Variants in HERC5 observed in about 807,000 individuals in gnomAD.
HERC5 encodes the protein HECT and RLD domain containing E3 ubiquitin protein ligase 5, also known as E3 ISG15--protein ligase HERC5.
A neutral mutation model predicts 119.6 loss-of-function variants in HERC5; 99 were observed. The ratio of observed to expected loss-of-function variants is 0.83; its 90% CI spans 0.70 to 0.98. The LOEUF (loss-of-function observed/expected upper bound fraction) is 0.98, where lower values mean the gene tolerates loss of function less well. HERC5 is among the 50% of genes least tolerant of loss of function. The pLI, the probability that HERC5 is intolerant of heterozygous loss-of-function variation, is 0.00. For missense variants in HERC5, 1,267 were observed against 1,241.3 expected, an observed-to-expected ratio of 1.02 and a Z score of -0.31; for synonymous variants, 478 against 445.9, an observed-to-expected ratio of 1.07 and a Z score of -0.91.
chr4:88,457,577 G>T, intron 1 of HERC5, 43 bp downstream of exon 1: 1 of 1,240,240 alleles, frequency 8.1e-7, no homozygotes, highest in Non-Finnish European at 1.0e-6. Flanking sequence ...GCTGTGAGGG[G>T]TGAGGGCTGA....
Position 88,462,143 on chromosome 4 carries a change from C to CT in HERC5, c.480dup (p.Ala161CysfsTer59). 7 of 1,613,532 alleles carry CT rather than the reference C, an allele frequency of 4.3e-6. No homozygotes were observed. The highest frequency in any genetic ancestry group is 5.9e-6 in the Non-Finnish European group (7 of 1,179,782). On this transcript the variant is annotated frameshift_variant, in exon 4 of 23. Coordinates refer to ENST00000264350, the MANE Select transcript of HERC5 (RefSeq NM_016323.4). LOFTEE classifies it high-confidence loss of function. The stretch of plus-strand genomic sequence containing the variant: ...GCTTTGTTTATGTCAAGGTGGTGAG[C>CT]TTTTTGCCTGGGGACAGAACCTGCA...
Position 88,459,385 on chromosome 4 carries a change from G to T in HERC5, c.304G>T (p.Val102Leu). Residue 102 changes from valine (V) to leucine (L), a missense_variant, in exon 2 of 23, where the codon GTG becomes TTG. Physicochemically the swap from Val to Leu is conservative, Grantham distance 32. This residue lies in a region of HERC5 where 777 missense variants were observed against 758.0 expected (regional missense o/e 1.03). Coordinates refer to ENST00000264350, the MANE Select transcript of HERC5 (RefSeq NM_016323.4). ...AGGAAAAAACATGAAGATACATTCC[G>T]TGGACCAAGGAGCAGAGCACATGCT... is the stretch of plus-strand genomic sequence containing the variant. ...KLGKNMKIHS[V>L]DQGAEHMLIL... is the part of the protein sequence containing the mutation. The T allele has an allele frequency of 6.3e-7, 1 of 1,595,182 alleles. No individual in the cohort carries two copies. Among genetic ancestry groups the T allele is most frequent in the East Asian group, 2.3e-5 (1 of 44,072 alleles).
chr4:88,479,955 T>C (rs1333591048), intron 13 of HERC5, among the ~76,000 whole-genome samples: 1 of 151,296 alleles, frequency 6.6e-6, no homozygotes, highest in Non-Finnish European at 1.5e-5. Context: ...TAGTCCCAGC[T>C]ACTCGGGAGG....
intron 1 of HERC5, 65 bp from the exon 2 acceptor site, chr4:88,459,267 TAAGTGTATTATAATG>T: frequency 8.5e-7 from 1 of 1,183,102 alleles, no homozygotes; most frequent in Non-Finnish European, 1.1e-6. Context: ...CCAGATGTTT[TAAGTGTATTATAATG>T]AAGTTAGTAA....
chr4:88,498,106 T>C (rs1741847914), intron 18 of HERC5, among the ~76,000 whole-genome samples: 5 of 152,130 alleles, frequency 3.3e-5, no homozygotes, highest in Admixed American at 3.3e-4. Flanking sequence ...GGGCCTTGGC[T>C]TCTCCCACCT....
chr4:88,464,595 G>GT (rs1452200231), intron 6 of HERC5, among the ~76,000 whole-genome samples: 1,758 of 144,920 alleles, frequency 0.012, 15 homozygotes, highest in Non-Finnish European at 0.016. Flanking sequence ...TTGGTTTTTG[G>GT]TTTTTTTTTT....
intron 18 of HERC5, among the ~76,000 whole-genome samples, chr4:88,495,402 AAAC>A (rs1323816165): frequency 2.6e-5 from 4 of 152,058 alleles, no homozygotes; most frequent in African/African-American, 9.7e-5. Flanking sequence ...AAACAAACAA[AAAC>A]AACAAAAATT....
intron 16 of HERC5, among the ~76,000 whole-genome samples, chr4:88,491,497 T>G (rs1473330138): frequency 6.6e-6 from 1 of 151,948 alleles, no homozygotes; most frequent in Non-Finnish European, 1.5e-5. Flanking sequence ...AAAGAAGAGA[T>G]AAATAAAACC....
chr4:88,496,082 C>T (rs1741789254), intron 18 of HERC5, among the ~76,000 whole-genome samples: 1 of 152,234 alleles, frequency 6.6e-6, no homozygotes, highest in East Asian at 1.9e-4. Flanking sequence ...ATCATATAGC[C>T]TCATGAAAAC....
At chr4:88,463,466 A>G in intron 4 of HERC5, 66 bp from the exon 5 acceptor site, 2 of 1,008,488 alleles carry the variant, frequency 2.0e-6, no homozygotes, top group East Asian at 2.4e-5. Flanking sequence ...GCAGCAGTCC[A>G]GGTAACTCCA....
chr4:88,493,213 C>A, intron 17 of HERC5, 58 bp downstream of exon 17: 1 of 1,498,294 alleles, frequency 6.7e-7, no homozygotes, highest in Non-Finnish European at 9.1e-7. Flanking sequence ...CACCATATAC[C>A]ATAGAAAATT....
chr4:88,486,295 C>T lies in HERC5; in HGVS notation c.1851+67C>T, dbSNP rs530976395. 7.7e-6 allele frequency: 7 copies of T among 905,760 alleles called. No individual in the cohort carries two copies. The East Asian group carries it at 1.3e-4, about 17-fold the overall frequency. 56.1% of individuals were successfully genotyped at this position (905,760 alleles called of 1,614,324 possible). A position where few individuals can be genotyped will look rare whatever the true frequency, so the allele number is the denominator to read the frequency against. On this transcript the variant is annotated intron_variant, in intron 14 of 22. Coordinates refer to ENST00000264350, the MANE Select transcript of HERC5 (RefSeq NM_016323.4). ...AGTTAATACAGGCATTTCTTGTCCT[C>T]TGCAAAATTGCACAATAGAAATAGC... is the stretch of plus-strand genomic sequence containing the variant.
intron 13 of HERC5, among the ~76,000 whole-genome samples, chr4:88,484,641 G>A (rs1741398027): frequency 6.6e-6 from 1 of 152,180 alleles, no homozygotes; most frequent in Non-Finnish European, 1.5e-5. Context: ...ATATGGCAGT[G>A]GAGGAAAGAG....
In HERC5 at chr4:88,467,147, C is replaced by A. The variant is rs147757779; in HGVS notation, c.1000C>A (p.Arg334Ser). Residue 334 changes from arginine to serine, a missense_variant, in exon 7 of 23, where the codon CGT (arginine) becomes AGT (serine). Arg to Ser is a moderately radical substitution (Grantham distance 110). This residue lies in a region of HERC5 where 777 missense variants were observed against 758.0 expected (regional missense o/e 1.03). Coordinates refer to ENST00000264350, the MANE Select transcript of HERC5 (RefSeq NM_016323.4). ...TGGACAACTGGGAAATGGTGGAACA[C>A]GTGACCAGCTGATGCCGCTTCCAGT... is the stretch of plus-strand genomic sequence containing the variant. ...KDGQLGNGGT[R>S]DQLMPLPVKV... The A allele has an allele frequency of 1.2e-6, 2 of 1,614,094 alleles. No homozygotes were observed. The highest frequency in any genetic ancestry group is 1.1e-5 in the South Asian group (1 of 91,076).
In HERC5 at chr4:88,494,179, G is replaced by T. The variant is rs143121208; in HGVS notation, c.2292G>T (p.Lys764Asn). 31 of 1,606,736 alleles carry T rather than the reference G, an allele frequency of 1.9e-5. No individual in the cohort carries two copies. In the African/African-American group the frequency reaches 4.0e-4, roughly 21 times the overall value. The change falls in exon 18 of 23, where the codon AAG becomes AAT. Residue 764 changes from lysine to asparagine, a missense_variant. By Grantham distance (94) the Lys-to-Asn change is moderately conservative. Transcript: ENST00000264350. ...MWFPVKPKFEKKRYFFFGVLC... is the reference protein window; with the variant it reads ...MWFPVKPKFENKRYFFFGVLC... ...TCGCTTTTCAGCCTAAATTTGAGAA[G>T]AAAAGATACTTCTTTTTTGGGGTTC...
Position 88,500,991 on chromosome 4 carries a change from T to A in HERC5, c.2582+6T>A. The A allele has an allele frequency of 6.3e-7, 1 of 1,596,234 alleles. No individual in the cohort carries two copies. On this transcript the variant is annotated splice_donor_region_variant and intron_variant, in intron 20 of 22. Transcript: ENST00000264350. The stretch of plus-strand genomic sequence containing the variant: ...ACTGTCAACCAGACTAACAAGTAGG[T>A]ACAAAAAATGAAATAGTTGGTTTGT...
At chr4:88,504,192 A>C in intron 20 of HERC5, 40 bp from the exon 21 acceptor site, 1 of 1,345,316 alleles carries the variant, frequency 7.4e-7, no homozygotes, top group South Asian at 1.3e-5. Context: ...TTTGTTCAGG[A>C]TATTGCAGTA....
chr4:88,495,185 T>A (rs1359385859), intron 18 of HERC5, among the ~76,000 whole-genome samples: 5 of 152,196 alleles, frequency 3.3e-5, no homozygotes, highest in African/African-American at 1.2e-4. Context: ...TAAATGTCCT[T>A]CACTAAGGGA....
At position 88,499,909 on chromosome 4, in the gene HERC5, G is replaced by A. The variant is rs1181370940; in HGVS notation, c.2445-17G>A. 6.3e-7 allele frequency: 1 copy of A among 1,574,896 alleles called. No individual in the cohort carries two copies. The highest frequency in any genetic ancestry group is 8.7e-7 in the Non-Finnish European group (1 of 1,145,796). ...ATGGTTATTACCTTTTTAAAAGCAAGATTATTTTTTCCTTAGGAATTTGCA... is the reference window on the plus strand; with the variant it reads ...ATGGTTATTACCTTTTTAAAAGCAAAATTATTTTTTCCTTAGGAATTTGCA... On this transcript the variant is annotated splice_polypyrimidine_tract_variant and intron_variant, in intron 18 of 22. Coordinates refer to ENST00000264350, the MANE Select transcript of HERC5 (RefSeq NM_016323.4).
Sources: allele counts gnomAD v4.1 joint callset (sites outside exome capture counted in the v4.1 genomes callset), GRCh38; gene constraint gnomAD v4.1.1; regional missense constraint gnomAD v4.1.1; transcripts MANE v1.5; gene names NCBI Gene and HGNC (gene_info 2026-07-23, HGNC 2026-07-21).